The following NXN variants were observed in gnomAD, a reference collection of about 807,000 sequenced individuals.
NXN encodes the protein nucleoredoxin 1.
Under a neutral mutation model 48.6 loss-of-function variants are expected in NXN, and 16 were observed. That is an observed-to-expected ratio of 0.33 (90% CI 0.22 to 0.50). The LOEUF (loss-of-function observed/expected upper bound fraction) is 0.50, where lower values mean the gene tolerates loss of function less well. Among genes scored for constraint, NXN ranks in the 20% least tolerant of loss-of-function variants. The pLI is 0.98. For synonymous variants in NXN, 281 were observed against 269.6 expected (o/e 1.04, Z -0.41); for missense variants, 492 against 605.5 (o/e 0.81, Z 1.97).
chr17:904,991 G>A (rs373643003), intron 1 of NXN, among the ~76,000 whole-genome samples: 1 of 152,112 alleles, frequency 6.6e-6, no homozygotes, highest in African/African-American at 2.4e-5. Flanking sequence ...ACACAAGCGT[G>A]TGTGCCACAT....
intron 5 of NXN, among the ~76,000 whole-genome samples, chr17:811,660 C>T (rs1912017286): frequency 6.6e-6 from 1 of 152,144 alleles, no homozygotes; most frequent in Non-Finnish European, 1.5e-5. Context: ...AAGCCGGTGG[C>T]CAGCCTGTCA....
At chr17:812,579 GCA>G (rs1256981315) in intron 5 of NXN, among the ~76,000 whole-genome samples, 7 of 152,238 alleles carry the variant, frequency 4.6e-5, no homozygotes, top group East Asian at 1.9e-4. Context: ...GTCTGTGTGT[GCA>G]CGTGTGTGTG....
chr17:804,103 A>C, intron 6 of NXN: 2 of 313,122 alleles, frequency 6.4e-6, no homozygotes, highest in Non-Finnish European at 1.2e-5. Flanking sequence ...ATTCCTCACA[A>C]ACCCGCCTGG....
At chr17:950,766 C>T (rs1460038559) in intron 1 of NXN, among the ~76,000 whole-genome samples, 3 of 152,048 alleles carry the variant, frequency 2.0e-5, no homozygotes, top group African/African-American at 7.2e-5. Context: ...ACAGAGACAA[C>T]CCAGTGGGAC....
intron 1 of NXN, among the ~76,000 whole-genome samples, chr17:861,757 AT>A (rs61633734): frequency 0.03 from 4,454 of 146,986 alleles, 182 homozygotes; most frequent in African/African-American, 0.095. Flanking sequence ...ACAGCAATAG[AT>A]TTTTTTTTTT....
intron 1 of NXN, among the ~76,000 whole-genome samples, chr17:857,973 T>TC: frequency 7.7e-6 from 1 of 129,648 alleles, no homozygotes; most frequent in East Asian, 2.0e-4. Context: ...ATATAAATCT[T>TC]TTTTTTTTTT....
In NXN at chr17:920,398, T is replaced by A. The variant is rs1024373507; in HGVS notation, c.360+58921A>T. Among the ~76,000 whole-genome samples, 34 of 146,664 alleles carry A rather than the reference T, an allele frequency of 2.3e-4. No individual in the cohort carries two copies. Among genetic ancestry groups the A allele is most frequent in the Non-Finnish European group, 4.2e-4 (28 of 67,414 alleles). ...GCGCCTGGGGATACCTAGGCCCTCC[T>A]GTCATGCCCCAAGGCCAATGTAGCC... On this transcript the variant is annotated intron_variant, in intron 1 of 7. Coordinates refer to ENST00000336868, the MANE Select transcript of NXN (RefSeq NM_022463.5). The surrounding 1 kb of genome is among the most constrained non-coding windows in gnomAD (Gnocchi z 4.6).
intron 1 of NXN, among the ~76,000 whole-genome samples, chr17:931,668 C>G (rs28733228): frequency 0.034 from 5,135 of 150,480 alleles, 146 homozygotes; most frequent in Non-Finnish European, 0.052. Flanking sequence ...AACCCTGTCT[C>G]TGCTAAAAAT....
At position 947,883 on chromosome 17, in the gene NXN, CAAAAAA is replaced by C. The variant is rs71145800; in HGVS notation, c.360+31430_360+31435del. Reference sequence around the variant, plus strand: ...GTGAAACTCCGTCTCTACTGAAATACAAAAAAAAAAAAAAAAAATTAGCTGGATGTG... The same window carrying C: ...GTGAAACTCCGTCTCTACTGAAATACAAAAAAAAAAAATTAGCTGGATGTG... On this transcript the variant is annotated intron_variant, in intron 1 of 7. Coordinates refer to ENST00000336868, the MANE Select transcript of NXN (RefSeq NM_022463.5). Among the ~76,000 whole-genome samples the C allele has an allele frequency of 3.4e-5, 4 of 119,256 alleles. No individual in the cohort carries two copies. The Admixed American group carries it at 3.7e-4, about 11-fold the overall frequency. 78.2% of individuals were successfully genotyped at this position (119,256 alleles called of 152,430 possible). A position where few individuals can be genotyped will look rare whatever the true frequency, so the allele number is the denominator to read the frequency against.
chr17:805,277 G>A (rs1298775435), intron 5 of NXN, 30 bp from the exon 6 acceptor site: 2 of 1,586,592 alleles, frequency 1.3e-6, no homozygotes, highest in African/African-American at 1.3e-5. Context: ...CTTGGCCGCT[G>A]GCCCGGGAGA....
chr17:807,196 G>C (rs1167810745), intron 5 of NXN, among the ~76,000 whole-genome samples: 2 of 152,196 alleles, frequency 1.3e-5, no homozygotes, highest in Non-Finnish European at 2.9e-5. Flanking sequence ...CACAGGGACA[G>C]CTGGCCGCAC....
intron 3 of NXN, 30 bp downstream of exon 3, chr17:823,602 G>C (rs1398409658): frequency 1.2e-6 from 2 of 1,613,128 alleles, no homozygotes; most frequent in African/African-American, 2.7e-5. Flanking sequence ...GCTTCCTTCT[G>C]TCTGAGCCAA....
intron 1 of NXN, among the ~76,000 whole-genome samples, chr17:872,975 G>A (rs967119636): frequency 6.6e-6 from 1 of 152,144 alleles, no homozygotes; most frequent in African/African-American, 2.4e-5. Flanking sequence ...TCTCCCCAGT[G>A]TGGGTGGGCC....
At chr17:906,659 C>T (rs574280566) in intron 1 of NXN, among the ~76,000 whole-genome samples, 4 of 151,780 alleles carry the variant, frequency 2.6e-5, no homozygotes, top group African/African-American at 9.7e-5. Context: ...CTCCACCTCC[C>T]GGGTTCAAGT....
intron 1 of NXN, among the ~76,000 whole-genome samples, chr17:868,523 G>C (rs948323248): frequency 1.3e-5 from 2 of 151,594 alleles, no homozygotes; most frequent in Non-Finnish European, 2.9e-5. Flanking sequence ...ACGGAGTCTC[G>C]CTCTGTCGCC....
intron 1 of NXN, among the ~76,000 whole-genome samples, chr17:954,037 C>G (rs1260517619): frequency 6.6e-6 from 1 of 152,224 alleles, no homozygotes; most frequent in African/African-American, 2.4e-5. Flanking sequence ...TCACAAAGTA[C>G]TTGAAAGCAC....
At chr17:843,914 G>GA (rs2067829310) in intron 1 of NXN, among the ~76,000 whole-genome samples, 1 of 152,216 alleles carries the variant, frequency 6.6e-6, no homozygotes, top group Non-Finnish European at 1.5e-5. Flanking sequence ...GAACCCGTGA[G>GA]ACTAAGAAAA....
chr17:961,971 C>A (rs940843902), intron 1 of NXN, among the ~76,000 whole-genome samples: 5 of 152,164 alleles, frequency 3.3e-5, no homozygotes, highest in South Asian at 2.1e-4. Flanking sequence ...CTCGTTTCTA[C>A]CAAGAACACA....
At chr17:968,671 C>T (rs2069335541) in intron 1 of NXN, among the ~76,000 whole-genome samples, 1 of 152,226 alleles carries the variant, frequency 6.6e-6, no homozygotes, top group Non-Finnish European at 1.5e-5. Flanking sequence ...GGCATGGTGG[C>T]TCACGCCTGT....
Sources: gnomAD v4.1 joint callset for allele counts (sites outside exome capture counted in the v4.1 genomes callset) on GRCh38, gnomAD v4.1.1 for gene constraint, Gnocchi (gnomAD v3.1) non-coding constraint, MANE v1.5 for transcripts, NCBI Gene and HGNC (gene_info 2026-07-23, HGNC 2026-07-21) for gene names.